Variants in LMTK3 observed in about 807,000 individuals in gnomAD.
LMTK3 encodes lemur tail kinase 3.
LMTK3 carries 27 observed loss-of-function variants against 116.7 expected under a neutral mutation model. The observed-to-expected ratio is 0.23, with a 90% CI of 0.17 to 0.32. LMTK3 has a LOEUF of 0.32. Ranked by LOEUF, LMTK3 falls within the 10% of genes least tolerant of loss-of-function variation. LMTK3 has a pLI of 1.00. For synonymous variants in LMTK3, 965 were observed against 971.0 expected (o/e 0.99, Z 0.11); for missense variants, 1,764 against 2,068.5 (o/e 0.85, Z 2.86).
chr19:48,513,371 G>A, upstream of LMTK3: 1 of 613,838 alleles, frequency 1.6e-6, no homozygotes, highest in Non-Finnish European at 2.9e-6. The surrounding 1 kb of genome is among the most constrained non-coding windows in gnomAD (Gnocchi z 5.6). Flanking sequence ...GAGGCACAGC[G>A]CGGGGTAGTC....
chr19:48,503,977 C>T (rs1405410459), intron 5 of LMTK3, among the ~76,000 whole-genome samples: 1 of 152,038 alleles, frequency 6.6e-6, no homozygotes, highest in African/African-American at 2.4e-5. Flanking sequence ...AAGCGATTCT[C>T]CTGCCTCAGC....
Position 48,501,273 on chromosome 19 carries a change from T to TG in LMTK3, c.1001+9dup. The TG allele has an allele frequency of 6.2e-7, 1 of 1,612,840 alleles. No homozygotes were observed. The highest frequency in any genetic ancestry group is 1.1e-5 in the South Asian group (1 of 91,054). On this transcript the variant is annotated intron_variant, in intron 9 of 14. Transcript: ENST00000600059. Reference sequence around the variant, plus strand: ...GGCCTGCCTCGGCCCCCGCGGCCCGTGGTCCTCACCAGATGTTGCTCTCGC... The same window carrying TG: ...GGCCTGCCTCGGCCCCCGCGGCCCGTGGGTCCTCACCAGATGTTGCTCTCGC...
Position 48,510,576 on chromosome 19 carries a change from G to A in LMTK3, c.93C>T (p.Gly31=), listed in dbSNP as rs1209165852. Residue 31 remains glycine, a synonymous_variant, in exon 2 of 15, where the codon GGC becomes GGT. Coordinates refer to ENST00000600059, the MANE Select transcript of LMTK3 (RefSeq NM_001388485.1). ...SPAHPDGFAL[G]RAPLAPPYAV... is the part of the protein sequence containing the mutation. ...CGTAGGGAGGAGCCAGAGGAGCCCG[G>A]CCCAGGGCGAATCCATCTGTGGGCA... is the stretch of plus-strand genomic sequence containing the variant. 6.3e-7 allele frequency: 1 copy of A among 1,588,208 alleles called. No individual in the cohort carries two copies.
At position 48,511,553 on chromosome 19, in the gene LMTK3, G is replaced by A. The variant is rs1471981967; in HGVS notation, c.24C>T (p.Ile8=). Residue 8 remains isoleucine, a synonymous_variant, in exon 1 of 15, where the codon ATC becomes ATT. Coordinates refer to ENST00000600059, the MANE Select transcript of LMTK3 (RefSeq NM_001388485.1). ...CGGAGGCGGAGACGGCCGCAAGGAG[G>A]ATGAGGGCGCCGGGGGCAGGCATCT... MPAPGAL[I]LLAAVSASGC... 43 of 1,446,122 alleles carry A rather than the reference G, an allele frequency of 3.0e-5. No individual in the cohort carries two copies. The highest frequency in any genetic ancestry group is 3.9e-5 in the Non-Finnish European group (42 of 1,087,016). 89.6% of individuals were successfully genotyped at this position (1,446,122 alleles called of 1,614,324 possible).
chr19:48,506,540 G>T (rs1343935047), intron 5 of LMTK3, among the ~76,000 whole-genome samples: 1 of 152,208 alleles, frequency 6.6e-6, no homozygotes, highest in East Asian at 1.9e-4. Flanking sequence ...AGCCACTTGT[G>T]TGCTGTGGGG....
intron 14 of LMTK3, among the ~76,000 whole-genome samples, chr19:48,490,831 T>A (rs1470419828): frequency 6.6e-6 from 1 of 151,956 alleles, no homozygotes; most frequent in Non-Finnish European, 1.5e-5. Flanking sequence ...GGGACAAAGA[T>A]GGGCAAGAGT....
At chr19:48,509,906 G>A in intron 3 of LMTK3, 117 bp downstream of exon 3, 1 of 1,146,714 alleles carries the variant, frequency 8.7e-7, no homozygotes, top group Non-Finnish European at 1.2e-6. Context: ...TCCCACCTAT[G>A]CCTTTCCCAT....
chr19:48,498,313 A>T lies in LMTK3; in HGVS notation c.2756T>A (p.Leu919Gln), dbSNP rs1972375128. The T allele has an allele frequency of 1.2e-6, 2 of 1,613,006 alleles. No homozygotes were observed. The highest frequency in any genetic ancestry group is 2.7e-5 in the African/African-American group (2 of 74,916). ...TGTCACCCCGTTCACTGGGAGGCTCAGGCTTGGGGCTTGTTTCCCGTTGCC... is the reference window on the plus strand; with the variant it reads ...TGTCACCCCGTTCACTGGGAGGCTCTGGCTTGGGGCTTGTTTCCCGTTGCC... ...VLGNGKQAPS[L>Q]SLPVNGVTVL... is the part of the protein sequence containing the mutation. Residue 919 changes from leucine (L) to glutamine (Q), a missense_variant, in exon 11 of 15, where the codon CTG becomes CAG. Leu to Gln is a moderately radical substitution (Grantham distance 113). Around this residue, in one of 7 missense-constraint regions of LMTK3, gnomAD observed 1,028 missense variants for 1,050.6 expected, o/e 0.98. Coordinates refer to ENST00000600059, the MANE Select transcript of LMTK3 (RefSeq NM_001388485.1).
At position 48,498,657 on chromosome 19, in the gene LMTK3, C is replaced by T; in HGVS notation, c.2412G>A (p.Glu804=). ...GYETETPFSP[E]GAFPGGGAAE... ...CCGCCCCCCCACCTGGGAAGGCTCC[C>T]TCTGGGGAAAAAGGGGTCTCGGTCT... Residue 804 remains glutamate (E), a synonymous_variant, in exon 11 of 15, where the codon GAG becomes GAA. Coordinates refer to ENST00000600059, the MANE Select transcript of LMTK3 (RefSeq NM_001388485.1). 6.5e-7 allele frequency: 1 copy of T among 1,541,886 alleles called. No individual in the cohort carries two copies. Among genetic ancestry groups the T allele is most frequent in the Non-Finnish European group, 8.7e-7 (1 of 1,145,256 alleles).
chr19:48,492,175 T>C (rs75055121), intron 12 of LMTK3, among the ~76,000 whole-genome samples: 3,344 of 152,248 alleles, frequency 0.022, 112 homozygotes, highest in African/African-American at 0.076. Flanking sequence ...CCTTTTTCTC[T>C]TCAACACCAT....
chr19:48,489,664 A>T (rs1972187894), intron 14 of LMTK3, among the ~76,000 whole-genome samples: 1 of 152,250 alleles, frequency 6.6e-6, no homozygotes, highest in African/African-American at 2.4e-5. Context: ...GGATTAAGCC[A>T]TTTAATTCCC....
At chr19:48,513,057 G>T (rs1972687194), upstream of LMTK3, 7 of 1,104,682 alleles carry the variant, frequency 6.3e-6, no homozygotes, top group Admixed American at 1.4e-4. This position sits in a 1 kb window ranked among gnomAD's most constrained non-coding sequence, Gnocchi z 5.6. Context: ...ACACACACTG[G>T]CACACATAAC....
intron 14 of LMTK3, among the ~76,000 whole-genome samples, chr19:48,490,474 G>A (rs1972201898): frequency 7.1e-6 from 1 of 140,662 alleles, no homozygotes; most frequent in African/African-American, 2.7e-5. Flanking sequence ...TGCACTGAGC[G>A]TAGATTCCAC....
In LMTK3 at chr19:48,499,753, T is replaced by A. The variant is rs887046392; in HGVS notation, c.1316A>T (p.His439Leu). The change falls in exon 11 of 15, where the codon CAC becomes CTC. Residue 439 changes from histidine (H) to leucine (L), a missense_variant. His to Leu is a moderately conservative substitution (Grantham distance 99, BLOSUM62 -3). This residue lies in a region of LMTK3 where 63 missense variants were observed against 65.0 expected (regional missense o/e 0.97). Transcript: ENST00000600059. The stretch of plus-strand genomic sequence containing the variant: ...GAGGGTCCCCGGGCGGGGCGCACTG[T>A]GTGCAGGGGGCCAGGGCCAGGGGAA... ...GPFPWPWPPAHSAPRPGTLSS... is the reference protein window; with the variant it reads ...GPFPWPWPPALSAPRPGTLSS... The A allele has an allele frequency of 3.6e-6, 5 of 1,370,244 alleles. No individual in the cohort carries two copies. The highest frequency in any genetic ancestry group is 2.2e-4 in the Middle Eastern group (1 of 4,550). 84.9% of individuals were successfully genotyped at this position (1,370,244 alleles called of 1,614,324 possible). A position where few individuals can be genotyped will look rare whatever the true frequency, so the allele number is the denominator to read the frequency against.
intron 14 of LMTK3, among the ~76,000 whole-genome samples, chr19:48,488,871 C>G (rs1162304913): frequency 6.6e-6 from 1 of 151,996 alleles, no homozygotes; most frequent in African/African-American, 2.4e-5. Context: ...TCCCAAGTAG[C>G]TGGGATTACA....
In LMTK3 at chr19:48,491,579, C is replaced by G; in HGVS notation, c.4093-40G>C. 7.6e-7 allele frequency: 1 copy of G among 1,309,188 alleles called. No individual in the cohort carries two copies. The highest frequency in any genetic ancestry group is 9.8e-7 in the Non-Finnish European group (1 of 1,020,286). The allele number at this position is 1,309,188 out of a possible 1,614,324, so 81.1% of individuals were successfully genotyped here. A position where few individuals can be genotyped will look rare whatever the true frequency, so the allele number is the denominator to read the frequency against. ...TAGGGGGAAGCCAGAGGGGACAAACCTTCACGTCCCATTTACCGCATCCCC... is the reference window on the plus strand; with the variant it reads ...TAGGGGGAAGCCAGAGGGGACAAACGTTCACGTCCCATTTACCGCATCCCC... On this transcript the variant is annotated intron_variant, in intron 12 of 14. Coordinates refer to ENST00000600059, the MANE Select transcript of LMTK3 (RefSeq NM_001388485.1). The surrounding 1 kb of genome is among the most constrained non-coding windows in gnomAD (Gnocchi z 5.1).
At position 48,499,567 on chromosome 19, in the gene LMTK3, G is replaced by A. The variant is rs1370978919; in HGVS notation, c.1502C>T (p.Ser501Leu). 2 of 1,524,676 alleles carry A rather than the reference G, an allele frequency of 1.3e-6. No individual in the cohort carries two copies. The highest frequency in any genetic ancestry group is 1.2e-5 in the South Asian group (1 of 81,496). 94.4% of individuals were successfully genotyped at this position (1,524,676 alleles called of 1,614,324 possible). ...GGGAPAWQPASAPPAPHANPS... is the reference protein window; with the variant it reads ...GGGAPAWQPALAPPAPHANPS... ...GTTGGCGTGGGGGGCCGGGGGGGCC[G>A]ACGCCGGCTGCCAGGCAGGTGCCCC... The change falls in exon 11 of 15, where the codon TCG becomes TTG. Residue 501 changes from serine (S) to leucine (L), a missense_variant. This residue lies in a region of LMTK3 where 1,028 missense variants were observed against 1,050.6 expected (regional missense o/e 0.98). Coordinates refer to ENST00000600059, the MANE Select transcript of LMTK3 (RefSeq NM_001388485.1).
Position 48,498,145 on chromosome 19 carries a change from T to C in LMTK3, c.2924A>G (p.Glu975Gly), listed in dbSNP as rs1972371087. ...TPPRREEKALENGELRSPEAG... is the reference protein window; with the variant it reads ...TPPRREEKALGNGELRSPEAG... Reference sequence around the variant, plus strand: ...CTCTGGGGACCTCAGCTCCCCATTCTCCAGCGCTTTCTCCTCCCTCCTTGG... The same window carrying C: ...CTCTGGGGACCTCAGCTCCCCATTCCCCAGCGCTTTCTCCTCCCTCCTTGG... Residue 975 changes from glutamate to glycine, a missense_variant, in exon 11 of 15, where the codon GAG (glutamate) becomes GGG (glycine). Coordinates refer to ENST00000600059, the MANE Select transcript of LMTK3 (RefSeq NM_001388485.1). 1.2e-6 allele frequency: 2 copies of C among 1,613,582 alleles called. No individual in the cohort carries two copies. Among genetic ancestry groups the C allele is most frequent in the Admixed American group, 3.3e-5 (2 of 59,986 alleles).
In LMTK3 at chr19:48,490,704, A is replaced by G. The variant is rs570884616; in HGVS notation, c.4366+404T>C. The stretch of plus-strand genomic sequence containing the variant: ...GTCCTCCCTGCTCTGGTTCACACCA[A>G]CCGGCTTTGAGCACTCTGGGTTTCT... On this transcript the variant is annotated intron_variant, in intron 14 of 14. Transcript: ENST00000600059. Among the ~76,000 whole-genome samples the G allele has an allele frequency of 3.9e-5, 6 of 152,236 alleles. 1 individual carries two copies. The South Asian group carries it at 8.3e-4, about 21-fold the overall frequency.
Sources: allele counts gnomAD v4.1 joint callset (sites outside exome capture counted in the v4.1 genomes callset), GRCh38; gene constraint gnomAD v4.1.1; regional missense constraint gnomAD v4.1.1; non-coding constraint Gnocchi (gnomAD v3.1); transcripts MANE v1.5; gene names NCBI Gene and HGNC (gene_info 2026-07-23, HGNC 2026-07-21).